GALNT17: variants seen among roughly 807,000 people sequenced by gnomAD.
GALNT17 encodes the protein UDP-GalNAc:polypeptide N-acetylgalactosaminyltransferase-like 3.
Under a neutral mutation model 63.7 loss-of-function variants are expected in GALNT17, and 29 were observed. The ratio of observed to expected loss-of-function variants is 0.46; its 90% CI spans 0.34 to 0.62. GALNT17 has a LOEUF of 0.62. Among genes scored for constraint, GALNT17 ranks in the 20% least tolerant of loss-of-function variants. GALNT17 has a pLI of 0.01. For synonymous variants in GALNT17, 305 were observed against 318.3 expected (o/e 0.96, Z 0.45); for missense variants, 603 against 799.6 (o/e 0.75, Z 2.97).
chr7:71,294,857 G>GC (rs1304039463), intron 1 of GALNT17, among the ~76,000 whole-genome samples: 1 of 152,040 alleles, frequency 6.6e-6, no homozygotes, highest in East Asian at 1.9e-4. Context: ...TTGTTCATTT[G>GC]CCCCCCTTTT....
At chr7:71,621,774 C>T (rs2116972822) in intron 6 of GALNT17, among the ~76,000 whole-genome samples, 1 of 152,198 alleles carries the variant, frequency 6.6e-6, no homozygotes, top group East Asian at 1.9e-4. Flanking sequence ...ATTTGATGCA[C>T]CCTTTAATTC....
At chr7:71,479,273 C>CA (rs5884842) in intron 5 of GALNT17, among the ~76,000 whole-genome samples, 27,673 of 143,662 alleles carry the variant, frequency 0.19, 3,401 homozygotes, top group East Asian at 0.55. Context: ...ACCTGAATTA[C>CA]AAAAAAAAAA....
At chr7:71,505,250 G>A (rs1054485532) in intron 5 of GALNT17, among the ~76,000 whole-genome samples, 2 of 151,972 alleles carry the variant, frequency 1.3e-5, no homozygotes, top group Admixed American at 6.6e-5. Flanking sequence ...TCCCACTGTT[G>A]GCATCTCATA....
intron 1 of GALNT17, among the ~76,000 whole-genome samples, chr7:71,216,634 A>G (rs1789486255): frequency 6.6e-6 from 1 of 151,928 alleles, no homozygotes; most frequent in Admixed American, 6.6e-5. Context: ...ACACACATAT[A>G]CATATATATA....
intron 1 of GALNT17, among the ~76,000 whole-genome samples, chr7:71,239,304 CAA>C (rs1554343108): frequency 0.13 from 19,954 of 150,170 alleles, 1,689 homozygotes; most frequent in African/African-American, 0.23. Context: ...TACCCCCCCC[CAA>C]AAAAAAATAA....
chr7:71,561,684 C>T (rs368622129), intron 5 of GALNT17, among the ~76,000 whole-genome samples: 16 of 152,252 alleles, frequency 1.1e-4, no homozygotes, highest in East Asian at 7.7e-4. Context: ...CAGAGACCAA[C>T]GGGTGGCTGG....
chr7:71,545,550 C>T (rs943303171), intron 5 of GALNT17, among the ~76,000 whole-genome samples: 15 of 152,112 alleles, frequency 9.9e-5, no homozygotes, highest in African/African-American at 3.6e-4. Flanking sequence ...TGGGGTTTCA[C>T]CATATTGGCT....
At chr7:71,214,372 CTTGT>C (rs1789436202) in intron 1 of GALNT17, among the ~76,000 whole-genome samples, 1 of 152,148 alleles carries the variant, frequency 6.6e-6, no homozygotes, top group African/African-American at 2.4e-5. Flanking sequence ...TGAGAAAAGG[CTTGT>C]TTGTTACGTT....
At position 71,519,857 on chromosome 7, in the gene GALNT17, G is replaced by A. The variant is rs539359607; in HGVS notation, c.963-51428G>A. Among the ~76,000 whole-genome samples, 24 of 152,212 alleles carry A rather than the reference G, an allele frequency of 1.6e-4. No homozygotes were observed. In the South Asian group the frequency reaches 1.9e-3, roughly 12 times the overall value. On this transcript the variant is annotated intron_variant, in intron 5 of 10. Coordinates refer to ENST00000333538, the MANE Select transcript of GALNT17 (RefSeq NM_022479.3). The stretch of plus-strand genomic sequence containing the variant: ...AGTCCATTGTTGTTTTAATAATTAC[G>A]ATCGTTAATGTAGCTATTCAATAAA...
At chr7:71,453,733 T>C (rs1177653537) in intron 5 of GALNT17, among the ~76,000 whole-genome samples, 1 of 152,228 alleles carries the variant, frequency 6.6e-6, no homozygotes, top group Non-Finnish European at 1.5e-5. Flanking sequence ...TGAATGAGGC[T>C]CTGAATTAAG....
chr7:71,240,813 C>A (rs1320683557), intron 1 of GALNT17, among the ~76,000 whole-genome samples: 1 of 151,968 alleles, frequency 6.6e-6, no homozygotes, highest in African/African-American at 2.4e-5. Context: ...TACAGGCGCC[C>A]GCCACCTCGC....
chr7:71,522,077 A>G (rs1788539640), intron 5 of GALNT17, among the ~76,000 whole-genome samples: 1 of 152,134 alleles, frequency 6.6e-6, no homozygotes, highest in Admixed American at 6.6e-5. Flanking sequence ...CCAGGCCCCT[A>G]ATGTTCCATC....
chr7:71,605,888 A>G (rs118089088), intron 6 of GALNT17, among the ~76,000 whole-genome samples: 16,153 of 152,158 alleles, frequency 0.11, 1,067 homozygotes, highest in Non-Finnish European at 0.15. Context: ...TGATTGATTG[A>G]TTGACTGAGA....
intron 1 of GALNT17, among the ~76,000 whole-genome samples, chr7:71,142,310 C>A (rs899602054): frequency 6.6e-6 from 1 of 152,138 alleles, no homozygotes; most frequent in Admixed American, 6.6e-5. Flanking sequence ...ACTCTTCAGA[C>A]TACTTTTGGA....
chr7:71,456,302 A>G (rs1787355099), intron 5 of GALNT17, among the ~76,000 whole-genome samples: 1 of 152,192 alleles, frequency 6.6e-6, no homozygotes, highest in African/African-American at 2.4e-5. Flanking sequence ...CTGACCGCCA[A>G]GTATATTGCG....
chr7:71,178,552 G>A (rs1788681049), intron 1 of GALNT17, among the ~76,000 whole-genome samples: 1 of 152,060 alleles, frequency 6.6e-6, no homozygotes, highest in South Asian at 2.1e-4. Context: ...TGTCCCACAG[G>A]TCTGGGAGGC....
chr7:71,474,642 T>G (rs910214693), intron 5 of GALNT17, among the ~76,000 whole-genome samples: 2 of 152,134 alleles, frequency 1.3e-5, no homozygotes, highest in African/African-American at 2.4e-5. Context: ...TACAGAGGTG[T>G]ATATTCTCCA....
chr7:71,450,151 T>G (rs1027611268), intron 5 of GALNT17, among the ~76,000 whole-genome samples: 1 of 151,772 alleles, frequency 6.6e-6, no homozygotes, highest in Non-Finnish European at 1.5e-5. Flanking sequence ...TTTTTTTTTT[T>G]TTTTGAGACA....
Position 71,377,114 on chromosome 7 carries a change from A to AAAATATATATATATATATATATATATAT in GALNT17, c.423-11120_423-11119insAATATATATATATATATATATATATATA. On this transcript the variant is annotated intron_variant, in intron 2 of 10. Transcript: ENST00000333538. ...AAAAAAAAAAAATAAAAATAAAAAA[A>AAAATATATATATATATATATATATATAT]ATATATATATATATATATATATATA... 3.5e-5 allele frequency among the ~76,000 whole-genome samples: 2 copies of AAAATATATATATATATATATATATATAT among 57,466 alleles called. 1 individual carries two copies. Among genetic ancestry groups the AAAATATATATATATATATATATATATAT allele is most frequent in the Non-Finnish European group, 6.0e-5 (2 of 33,274 alleles). The allele number at this position is 57,466 out of a possible 152,430, so 37.7% of individuals were successfully genotyped here.
Sources: allele counts gnomAD v4.1 joint callset (sites outside exome capture counted in the v4.1 genomes callset), GRCh38; gene constraint gnomAD v4.1.1; transcripts MANE v1.5; gene names NCBI Gene and HGNC (gene_info 2026-07-23, HGNC 2026-07-21).